The following SPOPL variants were observed in gnomAD, a reference collection of about 807,000 sequenced individuals.
SPOPL encodes the protein speckle-type POZ protein-like.
In SPOPL, 23 loss-of-function variants were observed where a neutral mutation model predicts 53.8. The ratio of observed to expected loss-of-function variants is 0.43; its 90% CI spans 0.31 to 0.61. The LOEUF is 0.61. Among genes scored for constraint, SPOPL ranks in the 20% least tolerant of loss-of-function variants. The pLI is 0.12. For synonymous variants in SPOPL, 164 were observed against 149.7 expected (o/e 1.10, Z -0.70); for missense variants, 442 against 466.9 (o/e 0.95, Z 0.49).
intron 1 of SPOPL, among the ~76,000 whole-genome samples, chr2:138,530,125 A>G (rs923445820): frequency 2.6e-5 from 4 of 152,142 alleles, no homozygotes; most frequent in African/African-American, 9.7e-5. Flanking sequence ...CTCCAGCTCT[A>G]TCCATGTTCC....
rs1054688028 is a variant in SPOPL, at chr2:138,543,229, C to T, written c.-60-6928C>T. Among the ~76,000 whole-genome samples, 10 of 152,134 alleles carry T rather than the reference C, an allele frequency of 6.6e-5. No individual in the cohort carries two copies. The South Asian group carries it at 1.0e-3, about 16-fold the overall frequency. On this transcript the variant is annotated intron_variant, in intron 1 of 10. Coordinates refer to ENST00000280098, the MANE Select transcript of SPOPL (RefSeq NM_001001664.3). ...TTATGTGTCTTGGAGTTGCTCTTCT[C>T]GAGGAGTATCTTTGTGGCATTCTCT...
intron 8 of SPOPL, among the ~76,000 whole-genome samples, chr2:138,563,684 G>C (rs565933629): frequency 6.6e-6 from 1 of 152,250 alleles, no homozygotes; most frequent in African/African-American, 2.4e-5. Flanking sequence ...AATGTAAAAT[G>C]GTACAACCAC....
At chr2:138,563,252 A>T (rs891676881) in intron 8 of SPOPL, among the ~76,000 whole-genome samples, 5 of 152,186 alleles carry the variant, frequency 3.3e-5, no homozygotes, top group African/African-American at 9.6e-5. Context: ...CCTGGGCTGG[A>T]ATATCACTTG....
chr2:138,548,695 T>C (rs1685249498), intron 1 of SPOPL, among the ~76,000 whole-genome samples: 1 of 152,140 alleles, frequency 6.6e-6, no homozygotes, highest in Non-Finnish European at 1.5e-5. Flanking sequence ...TAGTTATATG[T>C]GCTATATACA....
intron 1 of SPOPL, among the ~76,000 whole-genome samples, chr2:138,505,446 G>A (rs1684194573): frequency 6.6e-6 from 1 of 151,530 alleles, no homozygotes; most frequent in Non-Finnish European, 1.5e-5. Context: ...AAGTCTGTTT[G>A]GGGAATAAAA....
chr2:138,564,440 T>C (rs1188320902), intron 8 of SPOPL: 1 of 365,570 alleles, frequency 2.7e-6, no homozygotes, highest in Non-Finnish European at 4.9e-6. Flanking sequence ...TTATTAAGAA[T>C]ATTGAGTAAT....
intron 1 of SPOPL, among the ~76,000 whole-genome samples, chr2:138,525,663 A>AAAAAAAAAAAAAAAAAAAAAAAAC (rs1558865850): frequency 1.5e-5 from 2 of 130,482 alleles, no homozygotes; most frequent in Non-Finnish European, 1.6e-5. Context: ...GTAGAAAAAA[A>AAAAAAAAAAAAAAAAAAAAAAAAC]AAAAAAAAAA....
Position 138,571,222 on chromosome 2 carries a change from G to T in SPOPL, c.*2142G>T, listed in dbSNP as rs921472627. On this transcript the variant is annotated 3_prime_UTR_variant, in exon 11 of 11. Transcript: ENST00000280098. ...TGTCATATATCAGAAAAGTACTGAT[G>T]TATCCATTTATATCCAATGCGCACC... 6 of 152,312 alleles carry T rather than the reference G, an allele frequency of 3.9e-5. No individual in the cohort carries two copies. Among genetic ancestry groups the T allele is most frequent in the African/African-American group, 1.4e-4 (6 of 41,408 alleles). 9.4% of individuals were successfully genotyped at this position (152,312 alleles called of 1,614,324 possible).
At chr2:138,548,942 TC>T (rs1027982302) in intron 1 of SPOPL, among the ~76,000 whole-genome samples, 8 of 152,156 alleles carry the variant, frequency 5.3e-5, no homozygotes, top group African/African-American at 1.9e-4. Flanking sequence ...CTGTTTCTAC[TC>T]CCAAGTCTGT....
chr2:138,516,294 A>T (rs1684436375), intron 1 of SPOPL, among the ~76,000 whole-genome samples: 2 of 152,302 alleles, frequency 1.3e-5, no homozygotes, highest in South Asian at 4.1e-4. Context: ...AGGTTTGACG[A>T]GGAAGGAAGT....
At chr2:138,512,954 A>G (rs1018527309) in intron 1 of SPOPL, among the ~76,000 whole-genome samples, 2 of 152,232 alleles carry the variant, frequency 1.3e-5, no homozygotes, top group African/African-American at 4.8e-5. Flanking sequence ...TAATCCTCGT[A>G]ACTACACTGC....
At chr2:138,559,364 GA>G (rs756599714) in intron 7 of SPOPL, 27 bp downstream of exon 7, 16 of 1,583,646 alleles carry the variant, frequency 1.0e-5, no homozygotes, top group Non-Finnish European at 1.4e-5. Flanking sequence ...GGCTAATATT[GA>G]ATTTATATAA....
At chr2:138,551,130 A>G (rs180745044) in intron 4 of SPOPL, 76 bp downstream of exon 4, 9 of 1,526,854 alleles carry the variant, frequency 5.9e-6, no homozygotes, top group Non-Finnish European at 6.2e-6. Context: ...CTTTACCTAG[A>G]AAAGTCTGGG....
chr2:138,544,713 T>C (rs1685154067), intron 1 of SPOPL, among the ~76,000 whole-genome samples: 3 of 152,212 alleles, frequency 2.0e-5, no homozygotes, highest in Admixed American at 2.0e-4. Flanking sequence ...CTGCTTCGGC[T>C]CATGCTCGGT....
chr2:138,502,257 C>T (rs1161674691), intron 1 of SPOPL, 138 bp downstream of exon 1: 2 of 152,502 alleles, frequency 1.3e-5, no homozygotes, highest in African/African-American at 4.8e-5. Context: ...GACCCCTGCT[C>T]GGGCGGCGAG....
chr2:138,563,323 ATTTT>A (rs1332177074), intron 8 of SPOPL, among the ~76,000 whole-genome samples: 1 of 152,040 alleles, frequency 6.6e-6, no homozygotes, highest in African/African-American at 2.4e-5. Flanking sequence ...ACAAAAAAAA[ATTTT>A]TTTAATTAGC....
At chr2:138,567,277 T>C (rs1192189068) in intron 10 of SPOPL, among the ~76,000 whole-genome samples, 1 of 151,944 alleles carries the variant, frequency 6.6e-6, no homozygotes, top group Non-Finnish European at 1.5e-5. Context: ...TTGTAGAGGT[T>C]ACCTTGGTGA....
At chr2:138,558,110 G>T (rs756266412) in intron 5 of SPOPL, among the ~76,000 whole-genome samples, 1 of 152,072 alleles carries the variant, frequency 6.6e-6, no homozygotes, top group Non-Finnish European at 1.5e-5. Context: ...GCAGTGAGCC[G>T]AGATCACTCC....
chr2:138,528,385 T>C (rs575985292), intron 1 of SPOPL, among the ~76,000 whole-genome samples: 2 of 152,360 alleles, frequency 1.3e-5, no homozygotes, highest in Admixed American at 1.3e-4. Flanking sequence ...TTATCTACCT[T>C]TATATCTCTG....
Sources: allele counts gnomAD v4.1 joint callset (sites outside exome capture counted in the v4.1 genomes callset), GRCh38; gene constraint gnomAD v4.1.1; transcripts MANE v1.5; gene names NCBI Gene and HGNC (gene_info 2026-07-23, HGNC 2026-07-21).